Variants in MPRIP observed in about 807,000 individuals in gnomAD.
MPRIP encodes myosin phosphatase Rho interacting protein, also known as myosin phosphatase Rho-interacting protein.
MPRIP carries 59 observed loss-of-function variants against 234.9 expected under a neutral mutation model. The ratio of observed to expected loss-of-function variants is 0.25; its 90% CI spans 0.20 to 0.31. The LOEUF (loss-of-function observed/expected upper bound fraction) is 0.31. MPRIP is among the 10% of genes least tolerant of loss of function. The pLI, the probability that MPRIP is intolerant of heterozygous loss-of-function variation, is 1.00. For synonymous variants in MPRIP, 1,144 were observed against 1,263.9 expected, an observed-to-expected ratio of 0.91 and a Z score of 2.01; for missense variants, 2,436 against 3,071.0, an observed-to-expected ratio of 0.79 and a Z score of 4.89.
At position 17,089,580 on chromosome 17, in the gene MPRIP, A is replaced by G. The variant is rs4985722; in HGVS notation, c.267+11504A>G. Reference sequence around the variant, plus strand: ...GCTCCTGGGCCCAAGTGATCTTCCTACCTGAGCCTTTCGAGTATCTGGGAT... The same window carrying G: ...GCTCCTGGGCCCAAGTGATCTTCCTGCCTGAGCCTTTCGAGTATCTGGGAT... On this transcript the variant is annotated intron_variant, in intron 3 of 23. Transcript: ENST00000651222. Among the ~76,000 whole-genome samples, 861 of 151,724 alleles carry G rather than the reference A, an allele frequency of 5.7e-3. 14 individuals are homozygous for G. Among genetic ancestry groups the G allele is most frequent in the Admixed American group, 0.036 (550 of 15,238 alleles).
intron 15 of MPRIP, among the ~76,000 whole-genome samples, chr17:17,163,613 G>T (rs1246911218): frequency 6.6e-6 from 1 of 152,156 alleles, no homozygotes; most frequent in African/African-American, 2.4e-5. Flanking sequence ...TCTCCCGAGT[G>T]TTACCTTCCT....
chr17:17,174,236 C>T (rs567904898), intron 19 of MPRIP, among the ~76,000 whole-genome samples, 161 bp downstream of exon 19: 1 of 152,402 alleles, frequency 6.6e-6, no homozygotes, highest in South Asian at 2.1e-4. Flanking sequence ...CAGGGCTTCT[C>T]CCTGCCACCC....
At chr17:17,128,954 C>G (rs915299728) in intron 4 of MPRIP, among the ~76,000 whole-genome samples, 4 of 152,188 alleles carry the variant, frequency 2.6e-5, no homozygotes, top group Non-Finnish European at 4.4e-5. Flanking sequence ...GGTCTGAGCT[C>G]TCTGGTCACA....
intron 5 of MPRIP, among the ~76,000 whole-genome samples, chr17:17,133,229 A>C (rs138787270): frequency 7.9e-5 from 12 of 152,256 alleles, no homozygotes; most frequent in African/African-American, 2.6e-4. Context: ...AGCCTTCTGC[A>C]CTCAGGCCCC....
At chr17:17,111,787 T>C (rs1231985740) in intron 3 of MPRIP, among the ~76,000 whole-genome samples, 1 of 152,160 alleles carries the variant, frequency 6.6e-6, no homozygotes, top group African/African-American at 2.4e-5. Context: ...TGGTCAGACC[T>C]GTGCCCAGTC....
At chr17:17,123,479 A>G (rs942451647) in intron 3 of MPRIP, among the ~76,000 whole-genome samples, 2 of 152,188 alleles carry the variant, frequency 1.3e-5, no homozygotes, top group African/African-American at 2.4e-5. Flanking sequence ...CCTGGCCAAC[A>G]TGGTGAAACC....
At chr17:17,155,938 T>C (rs2045719481) in intron 13 of MPRIP, among the ~76,000 whole-genome samples, 1 of 152,236 alleles carries the variant, frequency 6.6e-6, no homozygotes, top group South Asian at 2.1e-4. Flanking sequence ...AAGTGCTCTT[T>C]TCCAAGCACC....
intron 3 of MPRIP, among the ~76,000 whole-genome samples, chr17:17,096,288 GGTGTGTGTGTGTGTGTGTGTGTGTGT>G (rs59748753): frequency 1.3e-4 from 18 of 136,584 alleles, no homozygotes; most frequent in East Asian, 4.3e-4. Flanking sequence ...GTGTGTGCAG[GGTGTGTGTGTGTGTGTGTGTGTGTGT>G]GTGTGTGTGT....
At chr17:17,120,580 G>C (rs1278903819) in intron 3 of MPRIP, among the ~76,000 whole-genome samples, 1 of 152,168 alleles carries the variant, frequency 6.6e-6, no homozygotes, top group Non-Finnish European at 1.5e-5. Context: ...AGCTGGGGTA[G>C]GGTGGAGCCC....
Position 17,165,543 on chromosome 17 carries a change from A to C in MPRIP, c.3952A>C (p.Lys1318Gln), listed in dbSNP as rs546710032. The change falls in exon 16 of 24, where the codon AAA (lysine) becomes CAA (glutamine). Residue 1318 changes from lysine (K) to glutamine (Q), a missense_variant. Lys to Gln is a moderately conservative substitution (Grantham distance 53). Coordinates refer to ENST00000651222, the MANE Select transcript of MPRIP (RefSeq NM_001364716.4). ...ACTCGACCAAGGGGCACCTGGTGTT[A>C]AAAGGCAAAGAATCCGGTTCTCCAC... ...AKLDQGAPGV[K>Q]RQRIRFSTIQ... is the part of the protein sequence containing the mutation. The C allele has an allele frequency of 1.5e-6, 2 of 1,304,528 alleles. No individual in the cohort carries two copies. Among genetic ancestry groups the C allele is most frequent in the African/African-American group, 3.0e-5 (2 of 66,008 alleles). The allele number at this position is 1,304,528 out of a possible 1,614,324, so 80.8% of individuals were successfully genotyped here.
chr17:17,158,693 G>A lies in MPRIP; in HGVS notation c.2091G>A (p.Gly697=), dbSNP rs61753577. 3,960 of 1,609,114 alleles carry A rather than the reference G, an allele frequency of 2.5e-3. 10 individuals carry two copies. The highest frequency in any genetic ancestry group is 3.1e-3 in the Non-Finnish European group (3,619 of 1,179,076). The part of the protein sequence containing the change: ...HEPLRPEAEP[G]ELERERARRR... Reference sequence around the variant, plus strand: ...CCCTGCGCCCTGAGGCGGAGCCTGGGGAGCTGGAGCGGGAGCGTGCACGGA... The same window carrying A: ...CCCTGCGCCCTGAGGCGGAGCCTGGAGAGCTGGAGCGGGAGCGTGCACGGA... The change falls in exon 14 of 24, where the codon GGG becomes GGA. Residue 697 remains glycine, a synonymous_variant. Coordinates refer to ENST00000651222, the MANE Select transcript of MPRIP (RefSeq NM_001364716.4).
intron 21 of MPRIP, among the ~76,000 whole-genome samples, chr17:17,176,731 T>C (rs1429575817): frequency 6.6e-6 from 1 of 152,164 alleles, no homozygotes; most frequent in East Asian, 1.9e-4. Context: ...GGCTCCAGCT[T>C]CAGTGTGTAT....
intron 23 of MPRIP, 101 bp from the exon 24 acceptor site, chr17:17,184,722 C>T: frequency 1.2e-6 from 1 of 844,202 alleles, no homozygotes; most frequent in Non-Finnish European, 2.0e-6. Flanking sequence ...GGCTCTCTGA[C>T]TGATGCCGGC....
intron 3 of MPRIP, among the ~76,000 whole-genome samples, chr17:17,117,016 G>A (rs1359641849): frequency 1.3e-5 from 2 of 152,174 alleles, no homozygotes; most frequent in African/African-American, 4.8e-5. Flanking sequence ...AGTAGAGGAT[G>A]TGCCCCCTCC....
chr17:17,166,133 C>A lies in MPRIP; in HGVS notation c.4542C>A (p.Ser1514Arg). The A allele has an allele frequency of 7.7e-7, 1 of 1,301,572 alleles. No homozygotes were observed. Among genetic ancestry groups the A allele is most frequent in the South Asian group, 1.2e-5 (1 of 80,790 alleles). 80.6% of individuals were successfully genotyped at this position (1,301,572 alleles called of 1,614,324 possible). A position where few individuals can be genotyped will look rare whatever the true frequency, so the allele number is the denominator to read the frequency against. Residue 1514 changes from serine to arginine, a missense_variant, in exon 16 of 24, where the codon AGC becomes AGA. Ser to Arg is a moderately radical substitution (Grantham distance 110). Transcript: ENST00000651222. This position sits in a 1 kb window ranked among gnomAD's most constrained non-coding sequence, Gnocchi z 4.4. The part of the protein sequence containing the change: ...SLASVESALV[S>R]AIQALQHWPA... ...CCAGTGTGGAGAGTGCACTCGTCAG[C>A]GCCATCCAAGCCCTGCAGCACTGGC...
chr17:17,057,743 C>G (rs950608439), intron 1 of MPRIP: 1 of 716,336 alleles, frequency 1.4e-6, no homozygotes, highest in African/African-American at 1.7e-5. Context: ...TGAGACCACC[C>G]TGACCCCCAC....
At position 17,129,567 on chromosome 17, in the gene MPRIP, G is replaced by A. The variant is rs574980092; in HGVS notation, c.420-2050G>A. 3.6e-4 allele frequency among the ~76,000 whole-genome samples: 55 copies of A among 152,280 alleles called. 2 individuals carry two copies. In the South Asian group the frequency reaches 0.01, roughly 29 times the overall value. ...GATTAAGTTGCATAATGGGACTGAGGCCACATGAGACACCTGCTGTCCTGA... is the reference window on the plus strand; with the variant it reads ...GATTAAGTTGCATAATGGGACTGAGACCACATGAGACACCTGCTGTCCTGA... On this transcript the variant is annotated intron_variant, in intron 4 of 23. Coordinates refer to ENST00000651222, the MANE Select transcript of MPRIP (RefSeq NM_001364716.4).
At chr17:17,148,631 C>T (rs1258759723) in intron 11 of MPRIP, among the ~76,000 whole-genome samples, 3 of 152,192 alleles carry the variant, frequency 2.0e-5, no homozygotes, top group African/African-American at 2.4e-5. Context: ...AAGTAAGCAT[C>T]GCCTGGCTGC....
chr17:17,060,190 G>C (rs971761075), intron 1 of MPRIP, among the ~76,000 whole-genome samples: 1 of 152,188 alleles, frequency 6.6e-6, no homozygotes. Flanking sequence ...AGGCTGTAGG[G>C]CTCTTCCTTC....
Sources: gnomAD v4.1 joint callset for allele counts (sites outside exome capture counted in the v4.1 genomes callset) on GRCh38, gnomAD v4.1.1 for gene constraint, Gnocchi (gnomAD v3.1) non-coding constraint, MANE v1.5 for transcripts, NCBI Gene and HGNC (gene_info 2026-07-23, HGNC 2026-07-21) for gene names.